Variants in PLXNA2 observed in about 807,000 individuals in gnomAD.
The protein encoded by PLXNA2 is plexin A2.
A neutral mutation model predicts 193.5 loss-of-function variants in PLXNA2; 91 were observed. The ratio of observed to expected loss-of-function variants is 0.47; its 90% CI spans 0.40 to 0.56. The LOEUF is 0.56. PLXNA2 is among the 20% of genes least tolerant of loss of function. The probability of loss-of-function intolerance (pLI) is 0.00; values close to 1 mark genes in which losing one functional copy is unlikely to be tolerated. For synonymous variants in PLXNA2, 997 were observed against 1,027.3 expected (o/e 0.97, Z 0.56); for missense variants, 1,995 against 2,503.2 (o/e 0.80, Z 4.33).
intron 1 of PLXNA2, among the ~76,000 whole-genome samples, chr1:208,240,363 C>T (rs1038519862): frequency 6.6e-6 from 1 of 152,202 alleles, no homozygotes; most frequent in Non-Finnish European, 1.5e-5. Flanking sequence ...GCTGTTTGAC[C>T]CTGGGAAGAA....
At chr1:208,112,118 C>T (rs1667498130) in intron 4 of PLXNA2, among the ~76,000 whole-genome samples, 1 of 152,140 alleles carries the variant, frequency 6.6e-6, no homozygotes, top group East Asian at 1.9e-4. Flanking sequence ...GAGAGGAGAC[C>T]AAAGTTGGTT....
At chr1:208,136,345 A>AACT (rs1185108294) in intron 4 of PLXNA2, among the ~76,000 whole-genome samples, 2 of 152,234 alleles carry the variant, frequency 1.3e-5, no homozygotes, top group African/African-American at 4.8e-5. Flanking sequence ...ACAGTGTGCC[A>AACT]ACTACTAGTA....
chr1:208,185,866 G>A (rs12080953), intron 3 of PLXNA2, among the ~76,000 whole-genome samples: 7,162 of 152,122 alleles, frequency 0.047, 534 homozygotes, highest in African/African-American at 0.16. Context: ...AAGAGGTGCT[G>A]GTGGTTTCAG....
At chr1:208,153,700 G>A (rs1242016870) in intron 3 of PLXNA2, among the ~76,000 whole-genome samples, 1 of 152,174 alleles carries the variant, frequency 6.6e-6, no homozygotes, top group African/African-American at 2.4e-5. Flanking sequence ...TCAGAGTTGG[G>A]GTCTGAGGAA....
chr1:208,172,731 T>C (rs1381899261), intron 3 of PLXNA2, among the ~76,000 whole-genome samples: 1 of 152,198 alleles, frequency 6.6e-6, no homozygotes, highest in Non-Finnish European at 1.5e-5. Context: ...CTGAGAGTGC[T>C]CAGGCCTTAC....
chr1:208,129,413 G>A (rs1300282211), intron 4 of PLXNA2, among the ~76,000 whole-genome samples: 1 of 152,126 alleles, frequency 6.6e-6, no homozygotes, highest in East Asian at 1.9e-4. Context: ...GCTGGGGCTG[G>A]GGGAATCCCT....
intron 3 of PLXNA2, among the ~76,000 whole-genome samples, chr1:208,199,759 AC>A (rs1558240671): frequency 6.6e-6 from 1 of 152,136 alleles, no homozygotes; most frequent in African/African-American, 2.4e-5. Flanking sequence ...GAATTCAAAA[AC>A]CTGGGTTCCA....
At chr1:208,164,416 G>A (rs1211771319) in intron 3 of PLXNA2, among the ~76,000 whole-genome samples, 1 of 152,212 alleles carries the variant, frequency 6.6e-6, no homozygotes, top group African/African-American at 2.4e-5. Flanking sequence ...AAGAGCAGAG[G>A]TGAGCCTTCC....
chr1:208,060,461 C>T (rs570691264), intron 13 of PLXNA2, among the ~76,000 whole-genome samples: 1 of 152,236 alleles, frequency 6.6e-6, no homozygotes, highest in Non-Finnish European at 1.5e-5. Context: ...AGGGCCGGAG[C>T]CCTGATGCCA....
At chr1:208,045,019 T>C (rs751738284) in intron 19 of PLXNA2, 48 bp downstream of exon 19, 2 of 1,610,314 alleles carry the variant, frequency 1.2e-6, no homozygotes, top group South Asian at 1.1e-5. Context: ...AGATCACACA[T>C]GCACCACGAG....
chr1:208,026,407 C>T lies in PLXNA2; in HGVS notation c.*836G>A, dbSNP rs1015129226. 2 of 152,202 alleles carry T rather than the reference C, an allele frequency of 1.3e-5. No individual in the cohort carries two copies. Among genetic ancestry groups the T allele is most frequent in the Admixed American group, 1.3e-4 (2 of 15,284 alleles). 9.4% of individuals were successfully genotyped at this position (152,202 alleles called of 1,614,324 possible). ...AATAAAACAAAACAAAAAACAGTAG[C>T]AAAAAGCATTGGTACTATCTAGGTA... On this transcript the variant is annotated 3_prime_UTR_variant, in exon 32 of 32. Transcript: ENST00000367033.
chr1:208,024,579 G>C lies in PLXNA2; in HGVS notation c.*2664C>G, dbSNP rs1341440855. ...GAGAAATGTGGCCAAACCACTCACAGCCAGCTCCGGCTCTTCACTCTCCAC... is the reference window on the plus strand; with the variant it reads ...GAGAAATGTGGCCAAACCACTCACACCCAGCTCCGGCTCTTCACTCTCCAC... On this transcript the variant is annotated 3_prime_UTR_variant, in exon 32 of 32. Coordinates refer to ENST00000367033, the MANE Select transcript of PLXNA2 (RefSeq NM_025179.4). The C allele has an allele frequency of 6.6e-6, 1 of 152,384 alleles. No individual in the cohort carries two copies. Among genetic ancestry groups the C allele is most frequent in the African/African-American group, 2.4e-5 (1 of 41,442 alleles). The allele number at this position is 152,384 out of a possible 1,614,324, so 9.4% of individuals were successfully genotyped here.
chr1:208,134,865 T>A (rs1475904288), intron 4 of PLXNA2, among the ~76,000 whole-genome samples: 1 of 152,188 alleles, frequency 6.6e-6, no homozygotes, highest in African/African-American at 2.4e-5. Context: ...GTTTTTTCTT[T>A]CCCTTCCCCA....
chr1:208,219,397 C>A (rs1211538146), intron 1 of PLXNA2, among the ~76,000 whole-genome samples: 1 of 152,158 alleles, frequency 6.6e-6, no homozygotes, highest in Non-Finnish European at 1.5e-5. Flanking sequence ...GAAGTGACTG[C>A]GGCACCAGGA....
chr1:208,224,525 G>A (rs1454491883), intron 1 of PLXNA2, among the ~76,000 whole-genome samples: 5 of 152,030 alleles, frequency 3.3e-5, no homozygotes, highest in African/African-American at 1.2e-4. Context: ...AAAGGGAAAA[G>A]GGGGAGGGGG....
chr1:208,062,468 G>A (rs1390579950), intron 12 of PLXNA2, among the ~76,000 whole-genome samples: 2 of 152,066 alleles, frequency 1.3e-5, no homozygotes, highest in African/African-American at 2.4e-5. Flanking sequence ...CGGTCTCTCG[G>A]CAAGTTGGCT....
intron 3 of PLXNA2, among the ~76,000 whole-genome samples, chr1:208,189,406 C>G (rs1670105181): frequency 6.6e-6 from 1 of 151,940 alleles, no homozygotes. Flanking sequence ...CAGGGCCCCA[C>G]AGGAGGCCCA....
chr1:208,233,250 G>A (rs1057414637), intron 1 of PLXNA2, among the ~76,000 whole-genome samples: 1 of 152,118 alleles, frequency 6.6e-6, no homozygotes, highest in African/African-American at 2.4e-5. Flanking sequence ...ATCATACTCG[G>A]TATATGGATA....
In PLXNA2 at chr1:208,220,143, A is replaced by G. The variant is rs552189505; in HGVS notation, c.-80-2141T>C. Among the ~76,000 whole-genome samples, 7 of 152,258 alleles carry G rather than the reference A, an allele frequency of 4.6e-5. No homozygotes were observed. The South Asian group carries it at 1.5e-3, about 32-fold the overall frequency. On this transcript the variant is annotated intron_variant, in intron 1 of 31. Transcript: ENST00000367033. ...GAGGAAGGGGGTTCTGGTAGCAGAG[A>G]TAACATGGAAGGACTTAGTATGCGG...
Sources: gnomAD v4.1 joint callset for allele counts (sites outside exome capture counted in the v4.1 genomes callset) on GRCh38, gnomAD v4.1.1 for gene constraint, MANE v1.5 for transcripts, NCBI Gene and HGNC (gene_info 2026-07-23, HGNC 2026-07-21) for gene names.